Variants in CSDE1 observed in about 807,000 individuals in gnomAD.
CSDE1 encodes the protein cold shock domain-containing protein E1.
CSDE1 carries 17 observed loss-of-function variants against 89.3 expected under a neutral mutation model. That is an observed-to-expected ratio of 0.19 (90% CI 0.13 to 0.29). The LOEUF (loss-of-function observed/expected upper bound fraction) is 0.29. Ranked by LOEUF, CSDE1 falls within the 10% of genes least tolerant of loss-of-function variation. CSDE1 has a pLI of 1.00. For missense variants in CSDE1, 672 were observed against 984.2 expected (o/e 0.68, Z 4.24); for synonymous variants, 322 against 332.8 (o/e 0.97, Z 0.35).
intron 19 of CSDE1, 54 bp downstream of exon 19, chr1:114,718,557 CAT>C: frequency 6.3e-7 from 1 of 1,578,914 alleles, no homozygotes; most frequent in East Asian, 2.2e-5. Flanking sequence ...AATAGGACCA[CAT>C]ATTTTATGTT....
chr1:114,754,171 T>G (rs1474084620), intron 1 of CSDE1, among the ~76,000 whole-genome samples: 1 of 152,140 alleles, frequency 6.6e-6, no homozygotes, highest in East Asian at 1.9e-4. Context: ...TTTTGTATTT[T>G]TAGCACAGAT....
intron 2 of CSDE1, among the ~76,000 whole-genome samples, chr1:114,748,677 C>G (rs971165060): frequency 3.3e-5 from 5 of 152,176 alleles, no homozygotes; most frequent in African/African-American, 1.2e-4. Flanking sequence ...AATTGGTCCC[C>G]AAGTCCTCAC....
intron 18 of CSDE1, among the ~76,000 whole-genome samples, chr1:114,719,323 G>C (rs969811703): frequency 2.0e-5 from 3 of 152,174 alleles, no homozygotes; most frequent in Admixed American, 2.0e-4. Context: ...GCGGCATTAT[G>C]AATCAGCATG....
chr1:114,729,422 A>G (rs1174897151), intron 12 of CSDE1, among the ~76,000 whole-genome samples: 1 of 151,664 alleles, frequency 6.6e-6, no homozygotes, highest in African/African-American at 2.4e-5. Flanking sequence ...TCTTTAGAGC[A>G]GCAATCAACA....
rs2101005506 is a variant in CSDE1 at position 114,719,604 on chromosome 1, T to C, written c.2191A>G (p.Ser731Gly). The C allele has an allele frequency of 6.2e-7, 1 of 1,613,902 alleles. No homozygotes were observed. ...VILNQRTGKC[S>G]ACNVWRVCEG... is the part of the protein sequence containing the mutation. ...CAGACTCGCCAAACATTACAGGCGC[T>C]GCACTTGCCAGTGCGCTGATTAAGA... The change falls in exon 18 of 20, where the codon AGC (serine) becomes GGC (glycine). Residue 731 changes from serine (S) to glycine (G), a missense_variant. Physicochemically the swap from Ser to Gly is moderately conservative, Grantham distance 56. Around this residue, in one of 8 missense-constraint regions of CSDE1, gnomAD observed 206 missense variants for 332.4 expected, o/e 0.62. Transcript: ENST00000358528.
Position 114,730,370 on chromosome 1 carries a change from T to C in CSDE1, c.1244A>G (p.Lys415Arg). Residue 415 changes from lysine to arginine, a missense_variant, in exon 12 of 20, where the codon AAG becomes AGG. This residue lies in a region of CSDE1 where 169 missense variants were observed against 262.9 expected (regional missense o/e 0.64). Coordinates refer to ENST00000358528, the MANE Select transcript of CSDE1 (RefSeq NM_001007553.3). ...ATGGGAATGAAATGAAACCGTGCCC[T>C]TGGGAAGTTTTTTAATCCTAATAGC... is the stretch of plus-strand genomic sequence containing the variant. Reference protein sequence around the residue: ...NHAIRIKKLPKGTVSFHSHSD... With the variant: ...NHAIRIKKLPRGTVSFHSHSD... 1 of 1,614,180 alleles carries C rather than the reference T, an allele frequency of 6.2e-7. No homozygotes were observed. The highest frequency in any genetic ancestry group is 8.5e-7 in the Non-Finnish European group (1 of 1,180,014).
intron 2 of CSDE1, among the ~76,000 whole-genome samples, chr1:114,748,072 T>C (rs891351921): frequency 6.6e-5 from 10 of 152,324 alleles, no homozygotes; most frequent in East Asian, 1.9e-4. Flanking sequence ...TTATGAGACA[T>C]AGATAATTTT....
At chr1:114,725,793 G>A (rs989693860) in intron 14 of CSDE1, among the ~76,000 whole-genome samples, 2 of 152,168 alleles carry the variant, frequency 1.3e-5, no homozygotes, top group Non-Finnish European at 2.9e-5. Context: ...GCACCACCAT[G>A]TCAGGCTAAT....
rs764953011 is a variant in CSDE1 at position 114,734,556 on chromosome 1, G to GA, written c.501-34dup. On this transcript the variant is annotated intron_variant, in intron 6 of 19. Transcript: ENST00000358528. ...AAAAATAATTGCAGGGAGGAGGAAT[G>GA]AAACAGGGATTAAAAATGTATTGGC... The GA allele has an allele frequency of 4.5e-6, 7 of 1,556,480 alleles. No homozygotes were observed. In the Middle Eastern group the frequency reaches 5.0e-4, roughly 112 times the overall value.
intron 6 of CSDE1, among the ~76,000 whole-genome samples, chr1:114,734,813 G>T (rs544121390): frequency 6.6e-6 from 1 of 152,170 alleles, no homozygotes; most frequent in Admixed American, 6.5e-5. Flanking sequence ...GGTGCGTGAT[G>T]TTCTACTCTG....
chr1:114,724,590 T>C (rs1659697733), intron 15 of CSDE1, among the ~76,000 whole-genome samples: 1 of 152,138 alleles, frequency 6.6e-6, no homozygotes, highest in South Asian at 2.1e-4. Flanking sequence ...AAGTCAGAGA[T>C]CCAAGATCCT....
intron 9 of CSDE1, 92 bp downstream of exon 9, chr1:114,733,640 T>A: frequency 8.5e-7 from 1 of 1,175,056 alleles, no homozygotes; most frequent in Non-Finnish European, 1.2e-6. Context: ...CCACATTATA[T>A]TAACTGAATA....
At chr1:114,730,740 A>T in intron 10 of CSDE1, 92 bp from the exon 11 acceptor site, 1 of 1,454,072 alleles carries the variant, frequency 6.9e-7, no homozygotes, top group Non-Finnish European at 9.5e-7. Context: ...ATTCATCAGG[A>T]ATTTTCTCTG....
intron 15 of CSDE1, among the ~76,000 whole-genome samples, chr1:114,724,695 A>C (rs919863277): frequency 1.3e-5 from 2 of 152,036 alleles, no homozygotes; most frequent in Non-Finnish European, 2.9e-5. Context: ...TCTCTTCCCT[A>C]CTCCATGGTG....
intron 18 of CSDE1, among the ~76,000 whole-genome samples, chr1:114,719,096 G>A (rs1178550709): frequency 6.6e-6 from 1 of 152,154 alleles, no homozygotes; most frequent in East Asian, 1.9e-4. Flanking sequence ...AGGAACACTT[G>A]AGCCCAGAAG....
rs1660429733 is a variant in CSDE1, at chr1:114,736,819, C to T, written c.439G>A (p.Glu147Lys). ...CCAGTTTCCAGCTGAACGTTCCCTT[C>T]GACATCTTCAGGGGTGTAAGTCAGA... Reference protein sequence around the residue: ...FYLTYTPEDVEGNVQLETGDK... With the variant: ...FYLTYTPEDVKGNVQLETGDK... The change falls in exon 6 of 20, where the codon GAA becomes AAA. Residue 147 changes from glutamate (E) to lysine (K), a missense_variant. Around this residue, in one of 8 missense-constraint regions of CSDE1, gnomAD observed 124 missense variants for 138.7 expected, o/e 0.89. Transcript: ENST00000358528. 1.2e-6 allele frequency: 2 copies of T among 1,612,900 alleles called. No homozygotes were observed. Among genetic ancestry groups the T allele is most frequent in the East Asian group, 2.2e-5 (1 of 44,862 alleles).
rs781496859 is a variant in CSDE1 at position 114,726,328 on chromosome 1, C to T, written c.1523G>A (p.Arg508Gln). ...RPGQQVATCV[R>Q]LLGRNSNSKR... is the part of the protein sequence containing the mutation. ...GGAGTTAGAATTACGACCTAAAAGT[C>T]GCACACAAGTTGCAACCTGCTGTCC... Residue 508 changes from arginine (R) to glutamine (Q), a missense_variant, in exon 14 of 20, where the codon CGA (arginine) becomes CAA (glutamine). This residue lies in a region of CSDE1 where 108 missense variants were observed against 105.0 expected (regional missense o/e 1.03). Transcript: ENST00000358528. 69 of 1,613,658 alleles carry T rather than the reference C, an allele frequency of 4.3e-5. 1 individual carries two copies. The highest frequency in any genetic ancestry group is 5.5e-5 in the Non-Finnish European group (65 of 1,179,890).
chr1:114,720,755 A>G (rs1475963573), intron 16 of CSDE1, 38 bp from the exon 17 acceptor site: 1 of 1,593,310 alleles, frequency 6.3e-7, no homozygotes, highest in Non-Finnish European at 8.6e-7. Flanking sequence ...CTAGTATTTC[A>G]CAACAGTCCT....
chr1:114,743,991 A>G (rs914373011), intron 2 of CSDE1, among the ~76,000 whole-genome samples: 7 of 152,276 alleles, frequency 4.6e-5, no homozygotes, highest in Non-Finnish European at 8.8e-5. Context: ...TGGCTAAACT[A>G]TATTTTAATG....
Sources: allele counts gnomAD v4.1 joint callset (sites outside exome capture counted in the v4.1 genomes callset), GRCh38; gene constraint gnomAD v4.1.1; regional missense constraint gnomAD v4.1.1; transcripts MANE v1.5; gene names NCBI Gene and HGNC (gene_info 2026-07-23, HGNC 2026-07-21).